The following USP34 variants were observed in gnomAD, a reference collection of about 807,000 sequenced individuals.
The protein encoded by USP34 is ubiquitin specific peptidase 34, also known as ubiquitin carboxyl-terminal hydrolase 34.
Under a neutral mutation model 460.3 loss-of-function variants are expected in USP34, and 70 were observed. The observed-to-expected ratio is 0.15, with a 90% CI of 0.13 to 0.19. The LOEUF (loss-of-function observed/expected upper bound fraction) is 0.19. Ranked by LOEUF, USP34 falls within the 10% of genes least tolerant of loss-of-function variation. The pLI, the probability that USP34 is intolerant of heterozygous loss-of-function variation, is 1.00. For missense variants in USP34, 3,985 were observed against 4,236.2 expected, an observed-to-expected ratio of 0.94 and a Z score of 1.65; for synonymous variants, 1,647 against 1,405.3, an observed-to-expected ratio of 1.17 and a Z score of -3.85.
At chr2:61,347,626 G>A (rs972481857) in intron 15 of USP34, among the ~76,000 whole-genome samples, 2 of 152,036 alleles carry the variant, frequency 1.3e-5, no homozygotes, top group African/African-American at 4.8e-5. Flanking sequence ...CACCTGCCTC[G>A]GCCTCCCAAA....
intron 64 of USP34, 30 bp from the exon 65 acceptor site, chr2:61,222,693 ATTC>A (rs1329268835): frequency 6.2e-7 from 1 of 1,603,526 alleles, no homozygotes. Context: ...ATTTCAGGAT[ATTC>A]TTGTTTTGTT....
chr2:61,192,498 G>A (rs1422659991), intron 76 of USP34, among the ~76,000 whole-genome samples: 1 of 152,194 alleles, frequency 6.6e-6, no homozygotes, highest in Non-Finnish European at 1.5e-5. Context: ...CTAAAGGACA[G>A]ACTGCTGACA....
intron 41 of USP34, among the ~76,000 whole-genome samples, chr2:61,274,476 G>A (rs1298867501): frequency 6.6e-6 from 1 of 150,504 alleles, no homozygotes. Flanking sequence ...TCATATTACA[G>A]TGAGATAGTT....
In USP34 at chr2:61,339,809, T is replaced by C. The variant is rs112517998; in HGVS notation, c.2501-128A>G. The C allele has an allele frequency of 2.8e-3, 1,320 of 466,384 alleles. 14 individuals are homozygous for C. The highest frequency in any genetic ancestry group is 0.025 in the African/African-American group (1,223 of 48,090). 28.9% of individuals were successfully genotyped at this position (466,384 alleles called of 1,614,324 possible). Reference sequence around the variant, plus strand: ...TCTCAGATCATAAAATAAAAACACATTAGCACAATATTTTGTTTTGTTTTG... The same window carrying C: ...TCTCAGATCATAAAATAAAAACACACTAGCACAATATTTTGTTTTGTTTTG... On this transcript the variant is annotated intron_variant, in intron 16 of 79. Transcript: ENST00000398571.
At chr2:61,251,930 C>G (rs978187516) in intron 48 of USP34, among the ~76,000 whole-genome samples, 1 of 151,344 alleles carries the variant, frequency 6.6e-6, no homozygotes, top group Non-Finnish European at 1.5e-5. Flanking sequence ...TCTTTCCGTA[C>G]TCAATTCGGT....
In USP34 at chr2:61,202,323, G is replaced by A. The variant is rs146820640; in HGVS notation, c.9508+817C>T. Among the ~76,000 whole-genome samples, 285 of 152,230 alleles carry A rather than the reference G, an allele frequency of 1.9e-3. 2 individuals carry two copies. The highest frequency in any genetic ancestry group is 6.6e-3 in the African/African-American group (272 of 41,520). Reference sequence around the variant, plus strand: ...ATTTCTTGATCTGGGTAGTAGTTCCGCAAGTATTTCACGTCCCACTCTGAA... The same window carrying A: ...ATTTCTTGATCTGGGTAGTAGTTCCACAAGTATTTCACGTCCCACTCTGAA... On this transcript the variant is annotated intron_variant, in intron 75 of 79. Coordinates refer to ENST00000398571, the MANE Select transcript of USP34 (RefSeq NM_014709.4).
intron 4 of USP34, 39 bp from the exon 5 acceptor site, chr2:61,395,041 T>C: frequency 6.5e-7 from 1 of 1,548,500 alleles, no homozygotes; most frequent in Non-Finnish European, 8.7e-7. Flanking sequence ...TTTGAAAACG[T>C]ACAAATAATT....
chr2:61,376,270 A>G (rs1213366589), intron 8 of USP34, among the ~76,000 whole-genome samples: 3 of 152,032 alleles, frequency 2.0e-5, no homozygotes, highest in South Asian at 4.1e-4. Flanking sequence ...TATTTATCAC[A>G]TGCTTTTTCT....
At chr2:61,443,060 T>C (rs2104030657) in intron 1 of USP34, among the ~76,000 whole-genome samples, 1 of 87,376 alleles carries the variant, frequency 1.1e-5, no homozygotes. Context: ...CATAAGTTCT[T>C]ACTCATGTGG....
chr2:61,400,660 G>C (rs1383252270), intron 3 of USP34, among the ~76,000 whole-genome samples: 1 of 151,970 alleles, frequency 6.6e-6, no homozygotes, highest in East Asian at 1.9e-4. Flanking sequence ...AGCCAGCCCA[G>C]GAAACAGAGC....
chr2:61,238,698 C>G (rs1385372474), intron 53 of USP34, among the ~76,000 whole-genome samples: 2 of 152,176 alleles, frequency 1.3e-5, no homozygotes, highest in Admixed American at 1.3e-4. Context: ...TAGGCACACC[C>G]ATTTAAAAAT....
intron 1 of USP34, among the ~76,000 whole-genome samples, chr2:61,447,491 T>A (rs1236732619): frequency 6.6e-6 from 1 of 152,108 alleles, no homozygotes; most frequent in African/African-American, 2.4e-5. Context: ...ATATAAAAAA[T>A]CTGGATAACT....
chr2:61,335,487 A>G (rs906740870), intron 18 of USP34, among the ~76,000 whole-genome samples: 27 of 152,240 alleles, frequency 1.8e-4, no homozygotes, highest in Non-Finnish European at 3.1e-4. Context: ...ATAATGGTTC[A>G]TGCCTGTAAT....
chr2:61,457,743 C>G (rs888740817), intron 1 of USP34, among the ~76,000 whole-genome samples: 7 of 152,116 alleles, frequency 4.6e-5, no homozygotes, highest in African/African-American at 1.4e-4. Flanking sequence ...CACCTGTAGT[C>G]CCAGCTACTT....
chr2:61,296,281 TA>T (rs1295844459), intron 30 of USP34, among the ~76,000 whole-genome samples: 36 of 150,680 alleles, frequency 2.4e-4, no homozygotes, highest in African/African-American at 6.6e-4. Context: ...AATAAATAAA[TA>T]AATTAAAACA....
intron 23 of USP34, among the ~76,000 whole-genome samples, chr2:61,316,793 T>C (rs1387143698): frequency 1.3e-5 from 2 of 151,468 alleles, no homozygotes; most frequent in Admixed American, 1.3e-4. Flanking sequence ...AGCTGAGGCA[T>C]GAGAATTGCT....
At chr2:61,235,955 C>CA in intron 56 of USP34, 45 bp from the exon 57 acceptor site, 1 of 1,598,374 alleles carries the variant, frequency 6.3e-7, no homozygotes. Context: ...TCTGAGCCAA[C>CA]AATAACAAAA....
At chr2:61,321,746 T>C (rs925490410) in intron 21 of USP34, among the ~76,000 whole-genome samples, 4 of 152,210 alleles carry the variant, frequency 2.6e-5, no homozygotes, top group Non-Finnish European at 4.4e-5. Context: ...AGAACCCATT[T>C]AGGAAGAAAA....
intron 20 of USP34, among the ~76,000 whole-genome samples, chr2:61,326,343 G>A (rs557652582): frequency 6.6e-6 from 1 of 152,066 alleles, no homozygotes; most frequent in African/African-American, 2.4e-5. Context: ...GAGTAGCTGG[G>A]ATTACAAGCT....
Sources: allele counts gnomAD v4.1 joint callset (sites outside exome capture counted in the v4.1 genomes callset), GRCh38; gene constraint gnomAD v4.1.1; transcripts MANE v1.5; gene names NCBI Gene and HGNC (gene_info 2026-07-23, HGNC 2026-07-21).